The following SLC7A2 variants were observed in gnomAD, a reference collection of about 807,000 sequenced individuals.
SLC7A2 encodes cationic amino acid transporter 2.
In SLC7A2, 48 loss-of-function variants were observed where a neutral mutation model predicts 58.9. The ratio of observed to expected loss-of-function variants is 0.82; its 90% CI spans 0.65 to 1.04. The LOEUF (loss-of-function observed/expected upper bound fraction) is 1.04, where lower values mean the gene tolerates loss of function less well. SLC7A2 is among the 50% of genes least tolerant of loss of function. SLC7A2 has a pLI of 0.00. For missense variants in SLC7A2, 1,029 were observed against 818.8 expected (o/e 1.26, Z -3.13); for synonymous variants, 363 against 314.5 (o/e 1.15, Z -1.63).
At chr8:17,521,771 A>AATT (rs1384795023) in intron 2 of SLC7A2, among the ~76,000 whole-genome samples, 1 of 152,250 alleles carries the variant, frequency 6.6e-6, no homozygotes, top group Admixed American at 6.5e-5. Context: ...CCGTGCCCAG[A>AATT]ATTATGCATT....
At chr8:17,500,667 T>TACCAA (rs1800117779) in intron 1 of SLC7A2, 1 of 152,232 alleles carries the variant, frequency 6.6e-6, no homozygotes, top group Non-Finnish European at 1.5e-5. Flanking sequence ...CAGGTGCCTG[T>TACCAA]AATCCCAGCT....
At chr8:17,514,741 A>G (rs1345912187) in intron 2 of SLC7A2, among the ~76,000 whole-genome samples, 1 of 152,206 alleles carries the variant, frequency 6.6e-6, no homozygotes, top group African/African-American at 2.4e-5. Context: ...CCTCATTCCT[A>G]AGCAGATTCT....
At chr8:17,495,230 C>T (rs1257231723), upstream of SLC7A2, among the ~76,000 whole-genome samples, 1 of 152,140 alleles carries the variant, frequency 6.6e-6, no homozygotes, top group Admixed American at 6.5e-5. Flanking sequence ...CCTGAGCCAC[C>T]GCGACTCCCA....
intron 2 of SLC7A2, among the ~76,000 whole-genome samples, chr8:17,533,574 C>G (rs1456524344): frequency 2.6e-5 from 4 of 152,172 alleles, no homozygotes; most frequent in South Asian, 2.1e-4. Flanking sequence ...CACTTTGGCT[C>G]TCTTTGGAAA....
intron 1 of SLC7A2, among the ~76,000 whole-genome samples, chr8:17,501,794 C>G (rs1334799919): frequency 2.6e-5 from 4 of 151,956 alleles, no homozygotes; most frequent in East Asian, 1.9e-4. Flanking sequence ...GTACTAGCCC[C>G]CCTCTACAGA....
chr8:17,531,606 T>G (rs910985097), intron 2 of SLC7A2, among the ~76,000 whole-genome samples: 1 of 152,110 alleles, frequency 6.6e-6, no homozygotes, highest in Non-Finnish European at 1.5e-5. Flanking sequence ...ATTTATGAGA[T>G]GGTTTGAATT....
At chr8:17,554,769 A>G in intron 8 of SLC7A2, 70 bp downstream of exon 8, 1 of 1,488,566 alleles carries the variant, frequency 6.7e-7, no homozygotes, top group Non-Finnish European at 9.1e-7. Flanking sequence ...TTAAAAATAC[A>G]AAGCTAGGTG....
chr8:17,499,356 T>TCC, intron 1 of SLC7A2: 1 of 147,304 alleles, frequency 6.8e-6, no homozygotes, highest in Non-Finnish European at 1.5e-5. Flanking sequence ...TCTCTCTCTC[T>TCC]CCCCCTCTCT....
intron 2 of SLC7A2, chr8:17,539,011 C>T (rs975532224): frequency 1.6e-6 from 2 of 1,219,088 alleles, no homozygotes; most frequent in East Asian, 4.8e-5. Context: ...GGGAAAGATT[C>T]ATTTCTAAGT....
At position 17,566,589 on chromosome 8, in the gene SLC7A2, AT is replaced by A. The variant is rs1803274848; in HGVS notation, c.*1444del. ...AATCAAACATTTTGGTTTAAAAAAC[AT>A]GATTATTTAAAACTGGAAACTAAAA... On this transcript the variant is annotated 3_prime_UTR_variant, in exon 13 of 13. Coordinates refer to ENST00000494857, the MANE Select transcript of SLC7A2 (RefSeq NM_001370338.1). The A allele has an allele frequency of 6.6e-6, 1 of 152,226 alleles. No homozygotes were observed. The highest frequency in any genetic ancestry group is 2.1e-4 in the South Asian group (1 of 4,832). 9.4% of individuals were successfully genotyped at this position (152,226 alleles called of 1,614,324 possible).
At chr8:17,520,967 C>T (rs752484075) in intron 2 of SLC7A2, among the ~76,000 whole-genome samples, 1 of 152,008 alleles carries the variant, frequency 6.6e-6, no homozygotes, top group Non-Finnish European at 1.5e-5. Flanking sequence ...ACGGAAATGA[C>T]CTTATATAAG....
intron 11 of SLC7A2, among the ~76,000 whole-genome samples, chr8:17,562,573 A>G (rs1462151793): frequency 6.6e-6 from 1 of 152,070 alleles, no homozygotes; most frequent in Non-Finnish European, 1.5e-5. Context: ...TCCTGACCTC[A>G]GGTGATCCAC....
chr8:17,540,513 A>C (rs1206329002), intron 2 of SLC7A2, among the ~76,000 whole-genome samples: 1 of 152,134 alleles, frequency 6.6e-6, no homozygotes, highest in Non-Finnish European at 1.5e-5. Flanking sequence ...CCTCCAAAAA[A>C]GAAAAAAAAA....
rs375521390 is a variant in SLC7A2 at position 17,569,041 on chromosome 8, C to G, written c.*3895C>G. 10 of 152,206 alleles carry G rather than the reference C, an allele frequency of 6.6e-5. No individual in the cohort carries two copies. Among genetic ancestry groups the G allele is most frequent in the African/African-American group, 2.2e-4 (9 of 41,512 alleles). The allele number at this position is 152,206 out of a possible 1,614,324, so 9.4% of individuals were successfully genotyped here. On this transcript the variant is annotated 3_prime_UTR_variant, in exon 13 of 13. Coordinates refer to ENST00000494857, the MANE Select transcript of SLC7A2 (RefSeq NM_001370338.1). ...TTTCTAAATTTATTTAAATGCTTAG[C>G]AGGAAGCATAAGGAAAAGCCATCGG...
chr8:17,564,369 G>C (rs959461330), intron 12 of SLC7A2, among the ~76,000 whole-genome samples: 4 of 152,148 alleles, frequency 2.6e-5, no homozygotes, highest in South Asian at 2.1e-4. Context: ...GCAAAATACA[G>C]TCTATAAAGT....
At chr8:17,517,796 AT>A (rs1800861239) in intron 2 of SLC7A2, among the ~76,000 whole-genome samples, 2 of 152,006 alleles carry the variant, frequency 1.3e-5, no homozygotes, top group Non-Finnish European at 2.9e-5. Flanking sequence ...TGACCTTCAA[AT>A]TTTCTTTCAT....
intron 2 of SLC7A2, among the ~76,000 whole-genome samples, chr8:17,515,736 C>G (rs1014851088): frequency 6.6e-6 from 1 of 152,136 alleles, no homozygotes; most frequent in Non-Finnish European, 1.5e-5. Flanking sequence ...TACTTTTCAG[C>G]CACAAAATAA....
intron 2 of SLC7A2, among the ~76,000 whole-genome samples, chr8:17,515,299 C>CT (rs568764967): frequency 0.042 from 5,788 of 138,190 alleles, 134 homozygotes; most frequent in Non-Finnish European, 0.056. Context: ...ACATCTTTTT[C>CT]TTTTTTTTTT....
At chr8:17,500,673 C>G (rs1271687547) in intron 1 of SLC7A2, 1 of 152,164 alleles carries the variant, frequency 6.6e-6, no homozygotes, top group Non-Finnish European at 1.5e-5. Flanking sequence ...CCTGTAATCC[C>G]AGCTGCTTGG....
Sources: allele counts gnomAD v4.1 joint callset (sites outside exome capture counted in the v4.1 genomes callset), GRCh38; gene constraint gnomAD v4.1.1; transcripts MANE v1.5; gene names NCBI Gene and HGNC (gene_info 2026-07-23, HGNC 2026-07-21).